BNC2: variants seen among roughly 807,000 people sequenced by gnomAD.
The protein encoded by BNC2 is zinc finger protein basonuclin-2.
In BNC2, 20 loss-of-function variants were observed where a neutral mutation model predicts 76.3. The ratio of observed to expected loss-of-function variants is 0.26; its 90% CI spans 0.18 to 0.38. The LOEUF (loss-of-function observed/expected upper bound fraction) is 0.38. Ranked by LOEUF, BNC2 falls within the 10% of genes least tolerant of loss-of-function variation. The pLI, the probability that BNC2 is intolerant of heterozygous loss-of-function variation, is 1.00. For missense variants in BNC2, 1,382 were observed against 1,399.8 expected, an observed-to-expected ratio of 0.99 and a Z score of 0.20; for synonymous variants, 582 against 514.8, an observed-to-expected ratio of 1.13 and a Z score of -1.77.
At chr9:16,438,087 A>C (rs568778957) in intron 5 of BNC2, among the ~76,000 whole-genome samples, 8 of 152,048 alleles carry the variant, frequency 5.3e-5, no homozygotes, top group African/African-American at 1.9e-4. Flanking sequence ...ACTACCCCTC[A>C]TACCTTGTTA....
chr9:16,569,610 GCTCT>G (rs1367906025), intron 4 of BNC2, among the ~76,000 whole-genome samples: 1 of 152,152 alleles, frequency 6.6e-6, no homozygotes, highest in African/African-American at 2.4e-5. Flanking sequence ...TTGTTCAGAA[GCTCT>G]CTCTCCTGGC....
intron 1 of BNC2, among the ~76,000 whole-genome samples, chr9:16,849,713 G>C (rs1038934308): frequency 4.6e-5 from 7 of 152,028 alleles, no homozygotes; most frequent in African/African-American, 1.7e-4. Flanking sequence ...CAAATTGGAA[G>C]AAGTTCAACA....
rs747959635 is a variant in BNC2 at position 16,418,786 on chromosome 9, G to A, written c.*203C>T. On this transcript the variant is annotated 3_prime_UTR_variant, in exon 7 of 7. Coordinates refer to ENST00000380672, the MANE Select transcript of BNC2 (RefSeq NM_017637.6). ...CTTTCCCAAAACTATAAAGGGAAGT[G>A]AAAAAAATTCAAAAGCACCTAGTGT... 1.6e-6 allele frequency: 1 copy of A among 627,060 alleles called. No homozygotes were observed. The highest frequency in any genetic ancestry group is 2.7e-6 in the Non-Finnish European group (1 of 364,958). The allele number at this position is 627,060 out of a possible 1,614,324, so 38.8% of individuals were successfully genotyped here.
At chr9:16,753,848 G>C (rs926748189) in intron 1 of BNC2, among the ~76,000 whole-genome samples, 9 of 132,880 alleles carry the variant, frequency 6.8e-5, no homozygotes, top group South Asian at 5.3e-4. Context: ...TTTTGATGTG[G>C]AGCAGATGGG....
intron 1 of BNC2, among the ~76,000 whole-genome samples, chr9:16,768,116 C>A (rs1040376255): frequency 2.0e-5 from 3 of 152,026 alleles, no homozygotes; most frequent in African/African-American, 7.2e-5. Flanking sequence ...TAGGCACCCA[C>A]CACCACGCCT....
At chr9:16,663,236 T>C (rs1344951729) in intron 3 of BNC2, among the ~76,000 whole-genome samples, 1 of 148,374 alleles carries the variant, frequency 6.7e-6, no homozygotes, top group African/African-American at 2.5e-5. Flanking sequence ...TTCAAGCCAT[T>C]CTCCTGCCTC....
chr9:16,745,022 A>C (rs903903639), intron 1 of BNC2, among the ~76,000 whole-genome samples: 6 of 152,316 alleles, frequency 3.9e-5, no homozygotes, highest in African/African-American at 1.4e-4. Context: ...TCTGCAGCGC[A>C]ATTTCTTGGG....
intron 2 of BNC2, among the ~76,000 whole-genome samples, chr9:16,731,191 T>C (rs1824494309): frequency 6.6e-6 from 1 of 152,202 alleles, no homozygotes. Context: ...AATTATGGAA[T>C]AACTCTCTGG....
intron 4 of BNC2, among the ~76,000 whole-genome samples, chr9:16,557,939 C>T (rs1818889949): frequency 6.6e-6 from 1 of 151,978 alleles, no homozygotes; most frequent in Non-Finnish European, 1.5e-5. Context: ...CGGCTCCCCA[C>T]AGCCTCCATC....
intron 3 of BNC2, among the ~76,000 whole-genome samples, chr9:16,640,208 C>T (rs1349071675): frequency 6.6e-6 from 1 of 152,062 alleles, no homozygotes; most frequent in Non-Finnish European, 1.5e-5. Context: ...CCTCAGACTA[C>T]AAAAGCCAAG....
intron 3 of BNC2, among the ~76,000 whole-genome samples, chr9:16,697,229 G>A (rs556719224): frequency 1.3e-5 from 2 of 152,086 alleles, no homozygotes; most frequent in Middle Eastern, 6.8e-3. Flanking sequence ...GTGGTGGCAC[G>A]TGCCCGTAGT....
chr9:16,849,465 T>C (rs1187398187), intron 1 of BNC2, among the ~76,000 whole-genome samples: 6 of 145,410 alleles, frequency 4.1e-5, no homozygotes, highest in East Asian at 2.0e-4. Flanking sequence ...TTCAAGCAAG[T>C]CTCCTGCCTC....
intron 5 of BNC2, among the ~76,000 whole-genome samples, chr9:16,527,851 G>C (rs959603886): frequency 3.3e-5 from 5 of 152,194 alleles, no homozygotes; most frequent in African/African-American, 1.2e-4. Flanking sequence ...TAAGGTGGGA[G>C]AGATGAGATG....
intron 1 of BNC2, among the ~76,000 whole-genome samples, chr9:16,749,617 TTGAGCCTGGAAGGCTGAGGCTGCAG>T (rs1825124502): frequency 6.6e-6 from 1 of 151,922 alleles, no homozygotes; most frequent in Non-Finnish European, 1.5e-5. Context: ...GGAAGATTGC[TTGAGCCTGGAAGGCTGAGGCTGCAG>T]TGAGCCATGA....
chr9:16,539,459 TGGAGGCTGTACTGAGCCA>T (rs930215102), intron 5 of BNC2, among the ~76,000 whole-genome samples: 1 of 143,922 alleles, frequency 6.9e-6, no homozygotes, highest in Non-Finnish European at 1.5e-5. Flanking sequence ...GCCAGGGAGG[TGGAGGCTGTACTGAGCCA>T]AGATCATTCC....
chr9:16,736,306 C>G (rs1587364802), intron 2 of BNC2, among the ~76,000 whole-genome samples: 1 of 151,652 alleles, frequency 6.6e-6, no homozygotes, highest in African/African-American at 2.4e-5. Context: ...TCAACACTGC[C>G]TTTAGAATTA....
Position 16,497,711 on chromosome 9 carries a change from G to T in BNC2, c.669+54819C>A, listed in dbSNP as rs78126381. Among the ~76,000 whole-genome samples the T allele has an allele frequency of 3.6e-3, 552 of 152,198 alleles. 4 individuals are homozygous for T. The highest frequency in any genetic ancestry group is 0.012 in the African/African-American group (510 of 41,534). On this transcript the variant is annotated intron_variant, in intron 5 of 6. Coordinates refer to ENST00000380672, the MANE Select transcript of BNC2 (RefSeq NM_017637.6). ...ATTTAGATTGGGTGGCATTTAAGTT[G>T]AAAGTAAAGTCGGAATTAACCAAGT... is the stretch of plus-strand genomic sequence containing the variant.
intron 1 of BNC2, among the ~76,000 whole-genome samples, chr9:16,854,065 G>T (rs1197556708): frequency 6.6e-6 from 1 of 152,086 alleles, no homozygotes; most frequent in East Asian, 1.9e-4. Flanking sequence ...GCTGCTCCCT[G>T]GACCACCAAC....
chr9:16,609,581 T>C (rs1406388521), intron 3 of BNC2, among the ~76,000 whole-genome samples: 1 of 152,204 alleles, frequency 6.6e-6, no homozygotes, highest in Non-Finnish European at 1.5e-5. Context: ...CTATGCTTCC[T>C]TATGTTACAG....
Sources: allele counts gnomAD v4.1 joint callset (sites outside exome capture counted in the v4.1 genomes callset), GRCh38; gene constraint gnomAD v4.1.1; transcripts MANE v1.5; gene names NCBI Gene and HGNC (gene_info 2026-07-23, HGNC 2026-07-21).